The following RABGAP1L variants were observed in gnomAD, a reference collection of about 807,000 sequenced individuals.
RABGAP1L encodes RAB GTPase activating protein 1 like, also known as rab GTPase-activating protein 1-like.
Under a neutral mutation model 137.7 loss-of-function variants are expected in RABGAP1L, and 63 were observed. The observed-to-expected ratio is 0.46, with a 90% CI of 0.37 to 0.56. The LOEUF is 0.56. RABGAP1L is among the 20% of genes least tolerant of loss of function. The pLI, the probability that RABGAP1L is intolerant of heterozygous loss-of-function variation, is 0.00. For missense variants in RABGAP1L, 1,095 were observed against 1,244.0 expected, an observed-to-expected ratio of 0.88 and a Z score of 1.80; for synonymous variants, 431 against 433.7, an observed-to-expected ratio of 0.99 and a Z score of 0.08.
rs200355072 is a variant in RABGAP1L at position 174,235,926 on chromosome 1, AT to A, written c.542+4573del. 1.5e-3 allele frequency among the ~76,000 whole-genome samples: 89 copies of A among 59,544 alleles called. 1 individual carries two copies. The East Asian group carries it at 0.031, about 21-fold the overall frequency. 39.1% of individuals were successfully genotyped at this position (59,544 alleles called of 152,430 possible). A position where few individuals can be genotyped will look rare whatever the true frequency, so the allele number is the denominator to read the frequency against. On this transcript the variant is annotated intron_variant, in intron 4 of 25. Transcript: ENST00000681986. Reference sequence around the variant, plus strand: ...ACTCTTTTTGGTTGGTAAACTATTGATTATTGCCACAATTTCAGCTCCTGTT... The same window carrying A: ...ACTCTTTTTGGTTGGTAAACTATTGATATTGCCACAATTTCAGCTCCTGTT...
intron 13 of RABGAP1L, among the ~76,000 whole-genome samples, chr1:174,452,954 T>C (rs1034337698): frequency 2.0e-5 from 3 of 152,188 alleles, no homozygotes; most frequent in Admixed American, 2.0e-4. Flanking sequence ...AATAAACCAT[T>C]GAGCATTAGG....
Position 174,833,447 on chromosome 1 carries a change from G to GATATATATATATATATATATAT in RABGAP1L, c.2340+21488_2340+21489insTATATATATATATATATATATA, listed in dbSNP as rs1275423217. On this transcript the variant is annotated intron_variant, in intron 19 of 25. Coordinates refer to ENST00000681986, the MANE Select transcript of RABGAP1L (RefSeq NM_001366446.1). The stretch of plus-strand genomic sequence containing the variant: ...GTATATATATATGTGTGTGTGTGTA[G>GATATATATATATATATATATAT]AGATATATATATATATATATAGTAG... Among the ~76,000 whole-genome samples, 14 of 16,972 alleles carry GATATATATATATATATATATAT rather than the reference G, an allele frequency of 8.2e-4. 1 individual carries two copies. Among genetic ancestry groups the GATATATATATATATATATATAT allele is most frequent in the Non-Finnish European group, 5.7e-3 (11 of 1,918 alleles). 11.1% of individuals were successfully genotyped at this position (16,972 alleles called of 152,430 possible).
At chr1:174,408,269 A>G (rs193060644) in intron 13 of RABGAP1L, among the ~76,000 whole-genome samples, 1 of 152,176 alleles carries the variant, frequency 6.6e-6, no homozygotes, top group African/African-American at 2.4e-5. Flanking sequence ...CTTTATGTCC[A>G]TGACTACCCA....
At chr1:174,449,144 C>T in intron 13 of RABGAP1L, 2 of 1,611,452 alleles carry the variant, frequency 1.2e-6, no homozygotes, top group Non-Finnish European at 1.7e-6. Flanking sequence ...TGTGAAGGAT[C>T]AGGAAGCACA....
chr1:174,935,364 C>A (rs1432894501), intron 19 of RABGAP1L: 2 of 152,064 alleles, frequency 1.3e-5, no homozygotes, highest in African/African-American at 2.4e-5. Flanking sequence ...TTTTTCCAGA[C>A]AAGAAACAAG....
intron 19 of RABGAP1L, among the ~76,000 whole-genome samples, chr1:174,926,691 C>A (rs1662891540): frequency 6.6e-6 from 1 of 151,972 alleles, no homozygotes; most frequent in Non-Finnish European, 1.5e-5. Flanking sequence ...CTACAATCGT[C>A]TGTAAAAAAT....
At chr1:174,639,003 A>G (rs1374651334) in intron 14 of RABGAP1L, among the ~76,000 whole-genome samples, 1 of 150,114 alleles carries the variant, frequency 6.7e-6, no homozygotes, top group Non-Finnish European at 1.5e-5. Flanking sequence ...AACCTGCACA[A>G]TGTGCACATG....
In RABGAP1L at chr1:174,788,278, C is replaced by T. The variant is rs16847446; in HGVS notation, c.2212-23554C>T. Among the ~76,000 whole-genome samples, 1,371 of 152,320 alleles carry T rather than the reference C, an allele frequency of 9.0e-3. 21 individuals carry two copies. The highest frequency in any genetic ancestry group is 0.032 in the African/African-American group (1,312 of 41,584). ...TGAGAGAGCCACTGTGTTCATTTAT[C>T]AGGAGGCATTCTGCTTCCTCTGTGG... On this transcript the variant is annotated intron_variant, in intron 18 of 25. Coordinates refer to ENST00000681986, the MANE Select transcript of RABGAP1L (RefSeq NM_001366446.1).
At chr1:174,648,401 G>A (rs149041681) in intron 14 of RABGAP1L, among the ~76,000 whole-genome samples, 1,821 of 152,188 alleles carry the variant, frequency 0.012, 45 homozygotes, top group African/African-American at 0.042. Context: ...CTGATACATT[G>A]TGTCTTTGTT....
chr1:174,764,428 G>A (rs545160465), intron 18 of RABGAP1L, among the ~76,000 whole-genome samples: 15 of 152,156 alleles, frequency 9.9e-5, no homozygotes, highest in Admixed American at 5.9e-4. Context: ...CCGTGGCAAC[G>A]TATAAGTATG....
intron 5 of RABGAP1L, among the ~76,000 whole-genome samples, chr1:174,247,637 G>A (rs1672375081): frequency 6.6e-6 from 1 of 152,192 alleles, no homozygotes; most frequent in Admixed American, 6.5e-5. Context: ...CAACATGGCT[G>A]CCCACACATA....
Position 174,220,986 on chromosome 1 carries a change from T to C in RABGAP1L, c.153T>C (p.Gly51=), listed in dbSNP as rs1156789776. 6.2e-7 allele frequency: 1 copy of C among 1,610,808 alleles called. No individual in the cohort carries two copies. The highest frequency in any genetic ancestry group is 1.7e-5 in the Admixed American group (1 of 59,564). The change falls in exon 3 of 26, where the codon GGT becomes GGC. Residue 51 remains glycine (G), a synonymous_variant. Transcript: ENST00000681986. ...EKPQLKIVSN[G]DEQLEKAMEE... ...TGTGTCTGTAGATAGTTTCTAATGG[T>C]GATGAACAATTGGAAAAAGCCATGG...
chr1:174,955,567 C>A (rs908354773), intron 19 of RABGAP1L, among the ~76,000 whole-genome samples: 10 of 152,136 alleles, frequency 6.6e-5, no homozygotes, highest in African/African-American at 2.4e-4. Context: ...TTCTCTTTTG[C>A]TCTCTCACTC....
intron 14 of RABGAP1L, among the ~76,000 whole-genome samples, chr1:174,650,348 T>C (rs1675365526): frequency 6.6e-6 from 1 of 152,176 alleles, no homozygotes; most frequent in African/African-American, 2.4e-5. Flanking sequence ...GCTGGCCTCA[T>C]AAAATGAGTT....
At chr1:174,233,334 A>T (rs565179597) in intron 4 of RABGAP1L, among the ~76,000 whole-genome samples, 1 of 151,346 alleles carries the variant, frequency 6.6e-6, no homozygotes, top group East Asian at 1.9e-4. Flanking sequence ...TTACATATGT[A>T]TACATGTGCC....
intron 14 of RABGAP1L, among the ~76,000 whole-genome samples, chr1:174,669,552 A>G (rs1004972000): frequency 2.0e-5 from 3 of 152,160 alleles, no homozygotes; most frequent in Admixed American, 1.3e-4. Flanking sequence ...CCAAAAAATC[A>G]TTGCCCAGAC....
At chr1:174,651,664 CTTTT>C (rs545698804) in intron 14 of RABGAP1L, among the ~76,000 whole-genome samples, 27 of 152,090 alleles carry the variant, frequency 1.8e-4, no homozygotes, top group Middle Eastern at 6.8e-3. Context: ...CAACCCCTGC[CTTTT>C]TTTGTTTTCC....
chr1:174,839,057 T>TG (rs1396638892), intron 19 of RABGAP1L, among the ~76,000 whole-genome samples: 2 of 56,600 alleles, frequency 3.5e-5, no homozygotes, highest in African/African-American at 9.7e-5. Context: ...GTGTGTGTGT[T>TG]GGTAGGGGTG....
chr1:174,368,594 G>A (rs1294048220), intron 11 of RABGAP1L, among the ~76,000 whole-genome samples: 3 of 152,068 alleles, frequency 2.0e-5, no homozygotes, highest in African/African-American at 7.2e-5. Context: ...TTTACATATT[G>A]TGACCTGTAC....
Sources: allele counts gnomAD v4.1 joint callset (sites outside exome capture counted in the v4.1 genomes callset), GRCh38; gene constraint gnomAD v4.1.1; transcripts MANE v1.5; gene names NCBI Gene and HGNC (gene_info 2026-07-23, HGNC 2026-07-21).